PMEPA1: variants seen among roughly 807,000 people sequenced by gnomAD.
PMEPA1 encodes prostate transmembrane protein, androgen induced 1.
PMEPA1 carries 11 observed loss-of-function variants against 23.0 expected under a neutral mutation model. The observed-to-expected ratio is 0.48, with a 90% CI of 0.30 to 0.79. The LOEUF (loss-of-function observed/expected upper bound fraction) is 0.79. Among genes scored for constraint, PMEPA1 ranks in the 30% least tolerant of loss-of-function variants. The probability of loss-of-function intolerance (pLI) is 0.06; values close to 1 mark genes in which losing one functional copy is unlikely to be tolerated. For missense variants in PMEPA1, 377 were observed against 390.9 expected (o/e 0.96, Z 0.30); for synonymous variants, 204 against 166.4 (o/e 1.23, Z -1.74).
At chr20:57,668,411 A>G (rs1310509757) in intron 1 of PMEPA1, among the ~76,000 whole-genome samples, 1 of 152,208 alleles carries the variant, frequency 6.6e-6, no homozygotes, top group Non-Finnish European at 1.5e-5. Context: ...TCCCCTGTAC[A>G]CAAGGTTGTA....
rs11481842 is a variant in PMEPA1 at position 57,651,570 on chromosome 20, C to CT, written c.*482dup. 19,115 of 149,722 alleles carry CT rather than the reference C, an allele frequency of 0.13. 1,378 individuals carry two copies. The highest frequency in any genetic ancestry group is 0.34 in the East Asian group (1,756 of 5,126). 9.3% of individuals were successfully genotyped at this position (149,722 alleles called of 1,614,324 possible). A position where few individuals can be genotyped will look rare whatever the true frequency, so the allele number is the denominator to read the frequency against. ...TTTCCTCTTCTAGTTCAGAAAACAA[C>CT]TTTTTTTTTTAATAGGCCTCTTCTA... On this transcript the variant is annotated 3_prime_UTR_variant, in exon 4 of 4. Transcript: ENST00000341744.
Position 57,683,554 on chromosome 20 carries a change from C to CGTGTGTGCGTGTGT in PMEPA1, c.110-23858_110-23857insACACACGCACACAC, listed in dbSNP as rs1568977703. Reference sequence around the variant, plus strand: ...CGGTGGTGGTGTTCTGGCCTGTGTGCGTGTGTGTGTGTGTGTGTGTGTGTG... The same window carrying CGTGTGTGCGTGTGT: ...CGGTGGTGGTGTTCTGGCCTGTGTGCGTGTGTGCGTGTGTGTGTGTGTGTGTGTGTGTGTGTGTG... On this transcript the variant is annotated intron_variant, in intron 1 of 3. Coordinates refer to ENST00000341744, the MANE Select transcript of PMEPA1 (RefSeq NM_020182.5). This position sits in a 1 kb window ranked among gnomAD's most constrained non-coding sequence, Gnocchi z 4.3. Among the ~76,000 whole-genome samples, 1,100 of 106,384 alleles carry CGTGTGTGCGTGTGT rather than the reference C, an allele frequency of 0.01. 13 individuals are homozygous for CGTGTGTGCGTGTGT. The highest frequency in any genetic ancestry group is 0.026 in the African/African-American group (979 of 38,216). The allele number at this position is 106,384 out of a possible 152,430, so 69.8% of individuals were successfully genotyped here.
At chr20:57,691,026 G>A (rs1044430215) in intron 1 of PMEPA1, among the ~76,000 whole-genome samples, 3 of 152,128 alleles carry the variant, frequency 2.0e-5, no homozygotes, top group African/African-American at 4.8e-5. Flanking sequence ...CGTCCCTACC[G>A]GCCCCTCGGT....
At chr20:57,679,952 G>A (rs7261176) in intron 1 of PMEPA1, among the ~76,000 whole-genome samples, 7,758 of 152,292 alleles carry the variant, frequency 0.051, 637 homozygotes, top group African/African-American at 0.17. Flanking sequence ...TAGAGCCAGA[G>A]CCTGCGCCTT....
chr20:57,698,663 G>A (rs1290574912), intron 1 of PMEPA1, among the ~76,000 whole-genome samples: 2 of 152,218 alleles, frequency 1.3e-5, no homozygotes, highest in Non-Finnish European at 2.9e-5. Flanking sequence ...TCAGCCCGGT[G>A]AGGGGAATCT....
chr20:57,698,684 C>T (rs570924350), intron 1 of PMEPA1, among the ~76,000 whole-genome samples: 2 of 152,298 alleles, frequency 1.3e-5, no homozygotes, highest in African/African-American at 2.4e-5. Flanking sequence ...GCGGAACTGG[C>T]GCGGCGGGCA....
intron 1 of PMEPA1, among the ~76,000 whole-genome samples, chr20:57,661,331 C>T (rs906466755): frequency 2.0e-5 from 3 of 152,176 alleles, no homozygotes; most frequent in South Asian, 2.1e-4. Flanking sequence ...ATGGGCAAGA[C>T]GCCGGGTCCC....
intron 1 of PMEPA1, among the ~76,000 whole-genome samples, chr20:57,705,572 C>T (rs2072071046): frequency 6.6e-6 from 1 of 152,232 alleles, no homozygotes; most frequent in African/African-American, 2.4e-5. Flanking sequence ...GAGGAAGCCC[C>T]TATCTTTCCT....
At position 57,704,990 on chromosome 20, in the gene PMEPA1, G is replaced by C. The variant is rs1030708143; in HGVS notation, c.109+4484C>G. Among the ~76,000 whole-genome samples the C allele has an allele frequency of 6.6e-6, 1 of 152,144 alleles. No homozygotes were observed. Among genetic ancestry groups the C allele is most frequent in the Non-Finnish European group, 1.5e-5 (1 of 68,024 alleles). On this transcript the variant is annotated intron_variant, in intron 1 of 3. Transcript: ENST00000341744. The surrounding 1 kb of genome is among the most constrained non-coding windows in gnomAD (Gnocchi z 4.6). ...TTTTATGGAGAGGGTGCATACCTTC[G>C]CACCTCTTACAGGGGAGAATGTGCA...
intron 1 of PMEPA1, among the ~76,000 whole-genome samples, chr20:57,680,823 C>G (rs2071702514): frequency 6.6e-6 from 1 of 152,266 alleles, no homozygotes. Context: ...TCAACGCACA[C>G]TGGCACCAAC....
chr20:57,707,143 CG>C (rs1263348884), intron 1 of PMEPA1, among the ~76,000 whole-genome samples: 2 of 152,194 alleles, frequency 1.3e-5, no homozygotes, highest in Non-Finnish European at 2.9e-5. Context: ...ATCAAGTTCT[CG>C]TTGCAAACAA....
intron 1 of PMEPA1, among the ~76,000 whole-genome samples, chr20:57,703,907 C>T (rs1473867824): frequency 6.6e-6 from 1 of 152,176 alleles, no homozygotes; most frequent in Non-Finnish European, 1.5e-5. Context: ...ACCCTCAGCA[C>T]AGGGACTATT....
chr20:57,704,791 C>T lies in PMEPA1; in HGVS notation c.109+4683G>A, dbSNP rs990598256. Among the ~76,000 whole-genome samples the T allele has an allele frequency of 6.6e-6, 1 of 152,180 alleles. No individual in the cohort carries two copies. The highest frequency in any genetic ancestry group is 1.5e-5 in the Non-Finnish European group (1 of 68,028). On this transcript the variant is annotated intron_variant, in intron 1 of 3. Coordinates refer to ENST00000341744, the MANE Select transcript of PMEPA1 (RefSeq NM_020182.5). This position sits in a 1 kb window ranked among gnomAD's most constrained non-coding sequence, Gnocchi z 4.6. ...GAGATGGTGGGGGCAGGCATGTGGG[C>T]ACACCTGACCCCGTGGCTCTGGGGC...
chr20:57,664,351 G>A (rs1291201098), intron 1 of PMEPA1, among the ~76,000 whole-genome samples: 1 of 152,204 alleles, frequency 6.6e-6, no homozygotes, highest in Admixed American at 6.5e-5. Flanking sequence ...CTCAGGCCGA[G>A]TTCATCAAGC....
At chr20:57,667,635 T>C (rs965366492) in intron 1 of PMEPA1, among the ~76,000 whole-genome samples, 1 of 152,210 alleles carries the variant, frequency 6.6e-6, no homozygotes, top group Non-Finnish European at 1.5e-5. Context: ...CATGGGGCCC[T>C]GTCTGGCCTC....
chr20:57,677,167 C>T (rs1204921172), intron 1 of PMEPA1, among the ~76,000 whole-genome samples: 1 of 152,190 alleles, frequency 6.6e-6, no homozygotes, highest in East Asian at 1.9e-4. Flanking sequence ...GGTGGCCTGT[C>T]TTGGTCACGA....
chr20:57,653,012 G>A (rs1236400055), intron 3 of PMEPA1, 21 bp downstream of exon 3: 17 of 1,584,752 alleles, frequency 1.1e-5, no homozygotes, highest in Non-Finnish European at 1.4e-5. Context: ...GTGTTGGAGG[G>A]GAGGCCGAGG....
intron 1 of PMEPA1, among the ~76,000 whole-genome samples, chr20:57,676,190 T>A (rs2071634075): frequency 6.6e-6 from 1 of 152,206 alleles, no homozygotes; most frequent in Non-Finnish European, 1.5e-5. Context: ...TGGATTCGAA[T>A]CCAGATGCAG....
intron 1 of PMEPA1, among the ~76,000 whole-genome samples, chr20:57,670,257 C>T (rs534387098): frequency 8.5e-5 from 13 of 152,234 alleles, no homozygotes; most frequent in Admixed American, 3.3e-4. Context: ...TGGCACCCAC[C>T]GGTCCACTGT....
Sources: allele counts gnomAD v4.1 joint callset (sites outside exome capture counted in the v4.1 genomes callset), GRCh38; gene constraint gnomAD v4.1.1; non-coding constraint Gnocchi (gnomAD v3.1); transcripts MANE v1.5; gene names NCBI Gene and HGNC (gene_info 2026-07-23, HGNC 2026-07-21).